Variants in LCNL1 observed in about 807,000 individuals in gnomAD.
The protein encoded by LCNL1 is lipocalin-like 1 protein.
LCNL1 carries 11 observed loss-of-function variants against 7.9 expected under a neutral mutation model. The ratio of observed to expected loss-of-function variants is 1.40; its 90% CI spans 0.88 to 2.32. LCNL1 has a LOEUF of 2.32. LCNL1 is among the 30% of genes most tolerant of loss of function. The pLI, the probability that LCNL1 is intolerant of heterozygous loss-of-function variation, is 0.00. For synonymous variants in LCNL1, 90 were observed against 92.5 expected (o/e 0.97, Z 0.15); for missense variants, 218 against 217.0 (o/e 1.00, Z -0.03).
At position 136,984,957 on chromosome 9, in the gene LCNL1, G is replaced by A. The variant is rs1282116151; in HGVS notation, c.441G>A (p.Pro147=). Residue 147 remains proline, a synonymous_variant, in exon 3 of 3, where the codon CCG becomes CCA. Coordinates refer to ENST00000408973, the MANE Select transcript of LCNL1 (RefSeq NM_207510.4). The stretch of plus-strand genomic sequence containing the variant: ...CCTGGTGTCTGTGGCCGCGGGTCCC[G>A]GCCCCTCCCTGCCCCTCTCTCCCTC... ...AGSWCLWPRV[P]APPCPSLPLF... 5 of 1,545,320 alleles carry A rather than the reference G, an allele frequency of 3.2e-6. No individual in the cohort carries two copies.
chr9:136,984,143 T>A, intron 1 of LCNL1: 3 of 421,254 alleles, frequency 7.1e-6, no homozygotes, highest in Non-Finnish European at 1.3e-5. Context: ...TCTATCTCTG[T>A]GTGTGTCTTG....
At position 136,983,349 on chromosome 9, in the gene LCNL1, C is replaced by T. The variant is rs906458920; in HGVS notation, c.-238C>T. The T allele has an allele frequency of 1.2e-5, 6 of 501,920 alleles. No homozygotes were observed. Among genetic ancestry groups the T allele is most frequent in the Middle Eastern group, 2.9e-4 (1 of 3,452 alleles). The allele number at this position is 501,920 out of a possible 1,614,324, so 31.1% of individuals were successfully genotyped here. A position where few individuals can be genotyped will look rare whatever the true frequency, so the allele number is the denominator to read the frequency against. ...CTTGCCACAGCCCCACCCATCCAGC[C>T]GTACCCCCTGGGTGCCAGCTGCAGA... On this transcript the variant is annotated 5_prime_UTR_variant, in exon 1 of 3. Coordinates refer to ENST00000408973, the MANE Select transcript of LCNL1 (RefSeq NM_207510.4).
chr9:136,985,360 G>C lies in LCNL1; in HGVS notation c.*349G>C, dbSNP rs989224015. Reference sequence around the variant, plus strand: ...CGGGGGCCTCCGTCCCAGGGAAGGGGGCGCGGGGTGGCGCCTCAGGCTCGA... The same window carrying C: ...CGGGGGCCTCCGTCCCAGGGAAGGGCGCGCGGGGTGGCGCCTCAGGCTCGA... On this transcript the variant is annotated 3_prime_UTR_variant, in exon 3 of 3. Coordinates refer to ENST00000408973, the MANE Select transcript of LCNL1 (RefSeq NM_207510.4). 3.7e-6 allele frequency: 1 copy of C among 273,318 alleles called. No individual in the cohort carries two copies. The highest frequency in any genetic ancestry group is 2.2e-5 in the African/African-American group (1 of 45,142). The allele number at this position is 273,318 out of a possible 1,614,324, so 16.9% of individuals were successfully genotyped here. A position where few individuals can be genotyped will look rare whatever the true frequency, so the allele number is the denominator to read the frequency against.
At chr9:136,984,367 C>T (rs1177374304) in intron 1 of LCNL1, 123 bp from the exon 2 acceptor site, 3 of 894,786 alleles carry the variant, frequency 3.4e-6, no homozygotes, top group Non-Finnish European at 3.3e-6. Context: ...CCTAAAGTCC[C>T]ATGTCCTCTA....
intron 1 of LCNL1, chr9:136,984,163 CTA>C (rs1830471298): frequency 2.3e-6 from 1 of 441,054 alleles, no homozygotes; most frequent in Non-Finnish European, 4.1e-6. Context: ...GTGTGCGTGT[CTA>C]TGTGTGTGTC....
At position 136,983,757 on chromosome 9, in the gene LCNL1, C is replaced by T. The variant is rs377668348; in HGVS notation, c.122+49C>T. The T allele has an allele frequency of 6.9e-6, 11 of 1,600,878 alleles. No individual in the cohort carries two copies. In the East Asian group the frequency reaches 1.8e-4, roughly 26 times the overall value. ...AGACTCAGCCTCAGAGGATGGCCAG[C>T]ATGAGGCCACATGAAGGTCCAGAGG... is the stretch of plus-strand genomic sequence containing the variant. On this transcript the variant is annotated intron_variant, in intron 1 of 2. Transcript: ENST00000408973.
rs766691439 is a variant in LCNL1, at chr9:136,984,736, G to A, written c.220G>A (p.Val74Met). 8 of 1,534,734 alleles carry A rather than the reference G, an allele frequency of 5.2e-6. No individual in the cohort carries two copies. The highest frequency in any genetic ancestry group is 7.0e-6 in the Non-Finnish European group (8 of 1,136,092). Residue 74 changes from valine to methionine, a missense_variant, in exon 3 of 3, where the codon GTG becomes ATG. Coordinates refer to ENST00000408973, the MANE Select transcript of LCNL1 (RefSeq NM_207510.4). ...NPAMALSDIR[V>M]AFSDYQHFAL... ...AGCCATGGCCCTGAGTGACATCCGA[G>A]TGGCCTTCTCCGACTACCAGCACTT...
In LCNL1 at chr9:136,984,882, C is replaced by T. The variant is rs770210668; in HGVS notation, c.366C>T (p.Pro122=). The T allele has an allele frequency of 3.2e-6, 5 of 1,558,854 alleles. No individual in the cohort carries two copies. Among genetic ancestry groups the T allele is most frequent in the East Asian group, 2.4e-5 (1 of 41,552 alleles). Residue 122 remains proline (P), a synonymous_variant, in exon 3 of 3, where the codon CCC becomes CCT. Coordinates refer to ENST00000408973, the MANE Select transcript of LCNL1 (RefSeq NM_207510.4). ...CCCGCTTCGGGTCTGGGATGTCACC[C>T]CTGTGCCTGCACCAGCCCTTTCTGC... is the stretch of plus-strand genomic sequence containing the variant. ...RHPRFGSGMS[P]LCLHQPFLHA... is the part of the protein sequence containing the mutation.
chr9:136,984,785 G>C lies in LCNL1; in HGVS notation c.269G>C (p.Arg90Pro), dbSNP rs375042346. 1.3e-5 allele frequency: 21 copies of C among 1,574,262 alleles called. No individual in the cohort carries two copies. The highest frequency in any genetic ancestry group is 2.7e-5 in the African/African-American group (2 of 73,764). ...TTTGCCTTGCTGTACTTGGAGATGC[G>C]GAAAGGGGGCCTGCGGAACCAGTGG... ...QHFALLYLEM[R>P]KGGLRNQWLQ... The change falls in exon 3 of 3, where the codon CGG becomes CCG. Residue 90 changes from arginine (R) to proline (P), a missense_variant. Physicochemically the swap from Arg to Pro is moderately radical, Grantham distance 103 (BLOSUM62 -2). Coordinates refer to ENST00000408973, the MANE Select transcript of LCNL1 (RefSeq NM_207510.4).
At position 136,984,704 on chromosome 9, in the gene LCNL1, C is replaced by T; in HGVS notation, c.197-9C>T. On this transcript the variant is annotated splice_polypyrimidine_tract_variant and intron_variant, in intron 2 of 2. Transcript: ENST00000408973. ...CTGGGCCTGGGGTCAGCGGCTCTCG[C>T]TCCTCCAGCCATGGCCCTGAGTGAC... 1 of 1,518,082 alleles carries T rather than the reference C, an allele frequency of 6.6e-7. No individual in the cohort carries two copies. Among genetic ancestry groups the T allele is most frequent in the African/African-American group, 1.4e-5 (1 of 71,778 alleles). 94.0% of individuals were successfully genotyped at this position (1,518,082 alleles called of 1,614,324 possible).
chr9:136,984,043 T>C, intron 1 of LCNL1: 1 of 416,214 alleles, frequency 2.4e-6, no homozygotes, highest in Non-Finnish European at 4.5e-6. Context: ...TGTGTGTCTT[T>C]GTAGATGTGT....
chr9:136,983,195 C>G lies in LCNL1; in HGVS notation c.-392C>G. On this transcript the variant is annotated 5_prime_UTR_variant, in exon 1 of 3. Transcript: ENST00000408973. Reference sequence around the variant, plus strand: ...TCCGTCTGACTGGAGTAGGGGTTGGCTGGGGAAGACTGCAGCCTCCATCCT... The same window carrying G: ...TCCGTCTGACTGGAGTAGGGGTTGGGTGGGGAAGACTGCAGCCTCCATCCT... 4.7e-6 allele frequency: 1 copy of G among 214,796 alleles called. No homozygotes were observed. Among genetic ancestry groups the G allele is most frequent in the African/African-American group, 2.3e-5 (1 of 44,326 alleles). The allele number at this position is 214,796 out of a possible 1,614,324, so 13.3% of individuals were successfully genotyped here.
In LCNL1 at chr9:136,985,479, G is replaced by A. The variant is rs1830490889; in HGVS notation, c.*468G>A. On this transcript the variant is annotated 3_prime_UTR_variant, in exon 3 of 3. Transcript: ENST00000408973. The stretch of plus-strand genomic sequence containing the variant: ...ACCATGGGCCCTCCCAGCTCGGTGG[G>A]CTGCACCGCGGGGCCCTCTACCTTC... The A allele has an allele frequency of 6.3e-6, 1 of 158,282 alleles. No individual in the cohort carries two copies. Among genetic ancestry groups the A allele is most frequent in the Non-Finnish European group, 1.4e-5 (1 of 72,256 alleles). 9.8% of individuals were successfully genotyped at this position (158,282 alleles called of 1,614,324 possible). A position where few individuals can be genotyped will look rare whatever the true frequency, so the allele number is the denominator to read the frequency against.
In LCNL1 at chr9:136,984,698, C is replaced by T. The variant is rs1170552846; in HGVS notation, c.197-15C>T. The T allele has an allele frequency of 1.3e-6, 2 of 1,517,476 alleles. No individual in the cohort carries two copies. Among genetic ancestry groups the T allele is most frequent in the African/African-American group, 2.8e-5 (2 of 71,776 alleles). 94.0% of individuals were successfully genotyped at this position (1,517,476 alleles called of 1,614,324 possible). A position where few individuals can be genotyped will look rare whatever the true frequency, so the allele number is the denominator to read the frequency against. On this transcript the variant is annotated splice_polypyrimidine_tract_variant and intron_variant, in intron 2 of 2. Transcript: ENST00000408973. The stretch of plus-strand genomic sequence containing the variant: ...GGTGCCCTGGGCCTGGGGTCAGCGG[C>T]TCTCGCTCCTCCAGCCATGGCCCTG...
At chr9:136,983,774 G>A in intron 1 of LCNL1, 66 bp downstream of exon 1, 1 of 1,593,420 alleles carries the variant, frequency 6.3e-7, no homozygotes, top group Non-Finnish European at 8.6e-7. Flanking sequence ...CCACATGAAG[G>A]TCCAGAGGGA....
At chr9:136,984,292 G>A (rs1307010579) in intron 1 of LCNL1, 198 bp from the exon 2 acceptor site, 1 of 525,458 alleles carries the variant, frequency 1.9e-6, no homozygotes, top group Non-Finnish European at 3.4e-6. Context: ...TAGGCTGTGT[G>A]CCTGTGAACA....
intron 1 of LCNL1, 77 bp from the exon 2 acceptor site, chr9:136,984,413 G>A (rs1308462569): frequency 7.4e-7 from 1 of 1,350,968 alleles, no homozygotes; most frequent in African/African-American, 1.5e-5. Context: ...CCTGGGCTCA[G>A]AGACAGCAAG....
chr9:136,984,971 C>A lies in LCNL1; in HGVS notation c.455C>A (p.Pro152His). 1 of 1,548,328 alleles carries A rather than the reference C, an allele frequency of 6.5e-7. No homozygotes were observed. The highest frequency in any genetic ancestry group is 8.7e-7 in the Non-Finnish European group (1 of 1,145,322). ...LWPRVPAPPC[P>H]SLPLFAPPAP... Reference sequence around the variant, plus strand: ...CCGCGGGTCCCGGCCCCTCCCTGCCCCTCTCTCCCTCTCTTCGCCCCTCCA... The same window carrying A: ...CCGCGGGTCCCGGCCCCTCCCTGCCACTCTCTCCCTCTCTTCGCCCCTCCA... The change falls in exon 3 of 3, where the codon CCC (proline) becomes CAC (histidine). Residue 152 changes from proline to histidine, a missense_variant. Coordinates refer to ENST00000408973, the MANE Select transcript of LCNL1 (RefSeq NM_207510.4).
chr9:136,983,439 G>C lies in LCNL1; in HGVS notation c.-148G>C. 1.1e-6 allele frequency: 1 copy of C among 926,710 alleles called. No homozygotes were observed. Among genetic ancestry groups the C allele is most frequent in the Non-Finnish European group, 1.7e-6 (1 of 592,472 alleles). The allele number at this position is 926,710 out of a possible 1,614,324, so 57.4% of individuals were successfully genotyped here. On this transcript the variant is annotated 5_prime_UTR_variant, in exon 1 of 3. Coordinates refer to ENST00000408973, the MANE Select transcript of LCNL1 (RefSeq NM_207510.4). ...ACTGAGGCCCCCCTCCCTCAGTTCT[G>C]CATCGGGGTCGAGATGTGTACAGCA...
Sources: gnomAD v4.1 joint callset for allele counts on GRCh38, gnomAD v4.1.1 for gene constraint, MANE v1.5 for transcripts, NCBI Gene and HGNC (gene_info 2026-07-23, HGNC 2026-07-21) for gene names.